LMTK2: variants seen among roughly 807,000 people sequenced by gnomAD.
LMTK2 encodes the protein serine/threonine-protein kinase LMTK2.
LMTK2 carries 37 observed loss-of-function variants against 127.5 expected under a neutral mutation model. That is an observed-to-expected ratio of 0.29 (90% confidence interval 0.22 to 0.38). The LOEUF (loss-of-function observed/expected upper bound fraction) is 0.38, where lower values mean the gene tolerates loss of function less well. LMTK2 is among the 10% of genes least tolerant of loss of function. The pLI is 1.00. For missense variants in LMTK2, 1,694 were observed against 1,920.3 expected, an observed-to-expected ratio of 0.88 and a Z score of 2.20; for synonymous variants, 819 against 810.1, an observed-to-expected ratio of 1.01 and a Z score of -0.19.
rs1797800564 is a variant in LMTK2 at position 98,206,531 on chromosome 7, C to T, written c.*1039C>T. ...CGGGGCACCGCACCGCTTCCCTCCG[C>T]GCAGCTCTTCTGCCTGGTTTTCGGA... On this transcript the variant is annotated 3_prime_UTR_variant, in exon 14 of 14. Transcript: ENST00000297293. 1 of 152,386 alleles carries T rather than the reference C, an allele frequency of 6.6e-6. No homozygotes were observed. The highest frequency in any genetic ancestry group is 2.4e-5 in the African/African-American group (1 of 41,594). 9.4% of individuals were successfully genotyped at this position (152,386 alleles called of 1,614,324 possible).
At chr7:98,140,158 T>G (rs1244518719) in intron 2 of LMTK2, among the ~76,000 whole-genome samples, 483 of 3,572 alleles carry the variant, frequency 0.14, 119 homozygotes, top group African/African-American at 0.2. Context: ...TTTTCTTTTC[T>G]TTTCTTTTCT....
At chr7:98,147,181 G>T (rs1348935356) in intron 3 of LMTK2, among the ~76,000 whole-genome samples, 1 of 150,998 alleles carries the variant, frequency 6.6e-6, no homozygotes, top group Admixed American at 6.6e-5. Context: ...TGTGTCTTCG[G>T]TTTTCTACAG....
chr7:98,160,252 C>A (rs1284978624), intron 6 of LMTK2, among the ~76,000 whole-genome samples: 1 of 152,162 alleles, frequency 6.6e-6, no homozygotes, highest in East Asian at 1.9e-4. Context: ...AAAACAAATT[C>A]CCAGTTAATT....
At chr7:98,178,766 C>A (rs914108450) in intron 7 of LMTK2, among the ~76,000 whole-genome samples, 3 of 152,232 alleles carry the variant, frequency 2.0e-5, no homozygotes, top group African/African-American at 7.2e-5. Context: ...TACTTTGAAT[C>A]TGTACAGCAC....
rs776248443 is a variant in LMTK2 at position 98,185,109 on chromosome 7, T to G, written c.850T>G (p.Tyr284Asp). 12 of 1,612,308 alleles carry G rather than the reference T, an allele frequency of 7.4e-6. No individual in the cohort carries two copies. In the South Asian group the frequency reaches 1.3e-4, roughly 18 times the overall value. Residue 284 changes from tyrosine to aspartate, a missense_variant, in exon 8 of 14, where the codon TAC (tyrosine) becomes GAC (aspartate). Coordinates refer to ENST00000297293, the MANE Select transcript of LMTK2 (RefSeq NM_014916.4). ...CGACTTAAATGTGAAAGTGGGAGAT[T>G]ACGGAATAGGATTCAGCAGGTACAA... ...TSDLNVKVGD[Y>D]GIGFSRYKED...
At chr7:98,115,351 G>C (rs1365588599) in intron 1 of LMTK2, among the ~76,000 whole-genome samples, 1 of 151,940 alleles carries the variant, frequency 6.6e-6, no homozygotes, top group Non-Finnish European at 1.5e-5. Flanking sequence ...AGGAGGCAGA[G>C]GTTGCAGTGA....
intron 1 of LMTK2, among the ~76,000 whole-genome samples, chr7:98,131,860 A>G (rs554725815): frequency 1.2e-3 from 177 of 152,274 alleles, no homozygotes; most frequent in African/African-American, 4.1e-3. Flanking sequence ...ACTGTGATAC[A>G]TTGTTTTCTA....
intron 1 of LMTK2, among the ~76,000 whole-genome samples, chr7:98,124,539 A>G (rs1796415790): frequency 1.3e-5 from 2 of 152,218 alleles, no homozygotes; most frequent in Non-Finnish European, 2.9e-5. Context: ...TCATCTCAGC[A>G]CTTTGGGAGG....
intron 2 of LMTK2, among the ~76,000 whole-genome samples, chr7:98,141,086 AG>A (rs892257302): frequency 4.0e-5 from 6 of 151,630 alleles, no homozygotes; most frequent in African/African-American, 9.7e-5. Context: ...AAAAAAAAAA[AG>A]AATTGCTTAA....
At chr7:98,168,417 G>T (rs1388218139) in intron 6 of LMTK2, among the ~76,000 whole-genome samples, 1 of 152,246 alleles carries the variant, frequency 6.6e-6, no homozygotes, top group Non-Finnish European at 1.5e-5. Flanking sequence ...GCGTGGCGGC[G>T]TCAGCTGCCC....
Position 98,168,117 on chromosome 7 carries a change from C to G in LMTK2, c.658-3424C>G, listed in dbSNP as rs551635148. Among the ~76,000 whole-genome samples, 66 of 151,940 alleles carry G rather than the reference C, an allele frequency of 4.3e-4. 1 individual carries two copies. The highest frequency in any genetic ancestry group is 1.3e-4 in the Admixed American group (2 of 15,260). On this transcript the variant is annotated intron_variant, in intron 6 of 13. Transcript: ENST00000297293. The stretch of plus-strand genomic sequence containing the variant: ...GGGTTCCTGAACAAGGAGCCAGGAC[C>G]GACCAGGCTTCTGAGGAGTTTAACT...
intron 1 of LMTK2, among the ~76,000 whole-genome samples, chr7:98,109,596 T>C (rs1796168438): frequency 6.6e-6 from 1 of 151,886 alleles, no homozygotes; most frequent in African/African-American, 2.4e-5. Flanking sequence ...ATACAAAAAT[T>C]AGCCGTGCGT....
chr7:98,174,327 ACTAAT>A (rs1326184788), intron 7 of LMTK2, among the ~76,000 whole-genome samples: 3 of 152,186 alleles, frequency 2.0e-5, no homozygotes, highest in African/African-American at 7.2e-5. Context: ...CCATTTGGAA[ACTAAT>A]CTAGTAAGGC....
chr7:98,164,658 G>A (rs1797065898), intron 6 of LMTK2, among the ~76,000 whole-genome samples: 1 of 152,144 alleles, frequency 6.6e-6, no homozygotes. Flanking sequence ...AGGATCACTG[G>A]GGAAGGCTTT....
rs1363828911 is a variant in LMTK2, at chr7:98,208,980, C to T, written c.*3488C>T. Reference sequence around the variant, plus strand: ...ACCTACTGCATGCCTGTCCCCAGGGCCCCGGTGGAAGGAAGGCAGCGCCTG... The same window carrying T: ...ACCTACTGCATGCCTGTCCCCAGGGTCCCGGTGGAAGGAAGGCAGCGCCTG... On this transcript the variant is annotated 3_prime_UTR_variant, in exon 14 of 14. Transcript: ENST00000297293. The T allele has an allele frequency of 6.6e-6, 1 of 152,142 alleles. No homozygotes were observed. The highest frequency in any genetic ancestry group is 1.5e-5 in the Non-Finnish European group (1 of 68,028). 9.4% of individuals were successfully genotyped at this position (152,142 alleles called of 1,614,324 possible).
At chr7:98,172,901 G>T (rs988754264) in intron 7 of LMTK2, among the ~76,000 whole-genome samples, 4 of 152,156 alleles carry the variant, frequency 2.6e-5, no homozygotes, top group Non-Finnish European at 4.4e-5. Context: ...GGGGCTACAG[G>T]CACTTGCCAC....
At chr7:98,114,655 G>A (rs1452282952) in intron 1 of LMTK2, among the ~76,000 whole-genome samples, 4 of 152,150 alleles carry the variant, frequency 2.6e-5, no homozygotes, top group Non-Finnish European at 5.9e-5. Flanking sequence ...GAAGGGAGAC[G>A]GTCGCATCGG....
chr7:98,148,348 C>G (rs1381997734), intron 3 of LMTK2, among the ~76,000 whole-genome samples: 1 of 151,790 alleles, frequency 6.6e-6, no homozygotes, highest in Non-Finnish European at 1.5e-5. Flanking sequence ...AAAAAGTTAG[C>G]CGGGCATGGT....
rs372693059 is a variant in LMTK2 at position 98,193,838 on chromosome 7, C to T, written c.3373C>T (p.Pro1125Ser). The change falls in exon 11 of 14, where the codon CCA becomes TCA. Residue 1125 changes from proline (P) to serine (S), a missense_variant. Physicochemically the swap from Pro to Ser is moderately conservative, Grantham distance 74 (BLOSUM62 -1). Coordinates refer to ENST00000297293, the MANE Select transcript of LMTK2 (RefSeq NM_014916.4). This position sits in a 1 kb window ranked among gnomAD's most constrained non-coding sequence, Gnocchi z 4.1. ...KRSEEVPGTS[P>S]SALVLVQEQP... is the part of the protein sequence containing the mutation. ...GTCTGAGGAGGTCCCGGGAACCTCC[C>T]CATCCGCCTTGGTGTTGGTACAGGA... 16 of 1,613,970 alleles carry T rather than the reference C, an allele frequency of 9.9e-6. No homozygotes were observed. The African/African-American group carries it at 1.2e-4, about 12-fold the overall frequency.
Sources: gnomAD v4.1 joint callset for allele counts (sites outside exome capture counted in the v4.1 genomes callset) on GRCh38, gnomAD v4.1.1 for gene constraint, Gnocchi (gnomAD v3.1) non-coding constraint, MANE v1.5 for transcripts, NCBI Gene and HGNC (gene_info 2026-07-23, HGNC 2026-07-21) for gene names.